The following PIBF1 variants were observed in gnomAD, a reference collection of about 807,000 sequenced individuals.
PIBF1 encodes progesterone-induced-blocking factor 1.
A neutral mutation model predicts 112.5 loss-of-function variants in PIBF1; 90 were observed. The observed-to-expected ratio is 0.80, with a 90% CI of 0.67 to 0.95. The LOEUF (loss-of-function observed/expected upper bound fraction) is 0.95. PIBF1 is among the 40% of genes least tolerant of loss of function. The probability of loss-of-function intolerance (pLI) is 0.00; values close to 1 mark genes in which losing one functional copy is unlikely to be tolerated. For synonymous variants in PIBF1, 301 were observed against 288.6 expected (o/e 1.04, Z -0.44); for missense variants, 915 against 852.3 (o/e 1.07, Z -0.92).
At chr13:72,814,972 A>C (rs1190755265) in intron 5 of PIBF1, among the ~76,000 whole-genome samples, 1 of 152,238 alleles carries the variant, frequency 6.6e-6, no homozygotes, top group African/African-American at 2.4e-5. Flanking sequence ...GAGGTATTAC[A>C]AAAATAAGTA....
At chr13:72,817,817 T>C (rs954755710) in intron 5 of PIBF1, among the ~76,000 whole-genome samples, 19 of 152,290 alleles carry the variant, frequency 1.2e-4, no homozygotes, top group African/African-American at 4.6e-4. Context: ...ATGGGGTTTA[T>C]TTTGAGGGAA....
At chr13:72,889,421 G>A (rs1168411865) in intron 10 of PIBF1, among the ~76,000 whole-genome samples, 3 of 152,146 alleles carry the variant, frequency 2.0e-5, no homozygotes, top group Non-Finnish European at 4.4e-5. Flanking sequence ...AAAAGACTTA[G>A]CAGTCTATCT....
intron 15 of PIBF1, among the ~76,000 whole-genome samples, chr13:72,972,815 G>A (rs12429154): frequency 0.16 from 23,653 of 152,086 alleles, 2,254 homozygotes; most frequent in Middle Eastern, 0.26. Flanking sequence ...GGAGACAAAC[G>A]TTCTTTTTTC....
At chr13:72,847,797 G>A (rs1190965964) in intron 9 of PIBF1, among the ~76,000 whole-genome samples, 1 of 152,096 alleles carries the variant, frequency 6.6e-6, no homozygotes, top group African/African-American at 2.4e-5. Flanking sequence ...TAAAACTACA[G>A]TCATTGAATA....
At chr13:72,899,193 A>G (rs918453882) in intron 11 of PIBF1, among the ~76,000 whole-genome samples, 4 of 152,174 alleles carry the variant, frequency 2.6e-5, no homozygotes, top group African/African-American at 9.6e-5. Context: ...TCCACCAGAC[A>G]TTCAAAGAAG....
At chr13:72,991,278 G>GTCA (rs978169891) in intron 16 of PIBF1, among the ~76,000 whole-genome samples, 11 of 118,470 alleles carry the variant, frequency 9.3e-5, no homozygotes, top group South Asian at 4.5e-4. Context: ...TGTTTATGCA[G>GTCA]TCGTCATCAT....
At position 72,917,169 on chromosome 13, in the gene PIBF1, A is replaced by G. The variant is rs748411722; in HGVS notation, c.1730+3A>G. On this transcript the variant is annotated splice_donor_region_variant and intron_variant, in intron 13 of 17. Coordinates refer to ENST00000326291, the MANE Select transcript of PIBF1 (RefSeq NM_006346.4). ...GCCAAAAGACGACTAAAGCAAAGGT[A>G]AAATCAATATATATTTATTTTATTT... 1.3e-6 allele frequency: 2 copies of G among 1,536,126 alleles called. No homozygotes were observed. Among genetic ancestry groups the G allele is most frequent in the Admixed American group, 3.8e-5 (2 of 52,592 alleles).
Position 72,821,854 on chromosome 13 carries a change from TG to T in PIBF1, c.679del (p.Glu227ArgfsTer19). Reference sequence around the variant, plus strand: ...ATTATTCCTTTGGTTTATAGACATATGAGGAAGATCGAAAAAACTACTCTGA... The same window carrying T: ...ATTATTCCTTTGGTTTATAGACATATAGGAAGATCGAAAAAACTACTCTGA... Reference protein sequence around the residue: ...NQLKQLTETYEEDRKNYSEVQ... With the variant: ...NQLKQLTETYXEDRKNYSEVQ... On this transcript the variant is annotated frameshift_variant, in exon 6 of 18. Transcript: ENST00000326291. LOFTEE classifies it high-confidence loss of function. 3 of 1,610,650 alleles carry T rather than the reference TG, an allele frequency of 1.9e-6. No homozygotes were observed. Among genetic ancestry groups the T allele is most frequent in the Non-Finnish European group, 2.5e-6 (3 of 1,178,052 alleles).
chr13:72,800,492 A>G (rs1277945383), intron 5 of PIBF1, among the ~76,000 whole-genome samples: 2 of 152,232 alleles, frequency 1.3e-5, no homozygotes, highest in African/African-American at 4.8e-5. Context: ...ACTTGATAAC[A>G]ATGTGATGAT....
intron 16 of PIBF1, among the ~76,000 whole-genome samples, chr13:72,981,494 G>A (rs1000973): frequency 0.28 from 41,893 of 151,764 alleles, 6,854 homozygotes; most frequent in East Asian, 0.47. Context: ...TTGAAGAATA[G>A]AAAAAAGAAT....
At chr13:72,853,574 T>A (rs1282967964) in intron 9 of PIBF1, among the ~76,000 whole-genome samples, 1 of 152,220 alleles carries the variant, frequency 6.6e-6, no homozygotes, top group African/African-American at 2.4e-5. Context: ...CTGTGTTTCC[T>A]TCCCATTCCT....
intron 15 of PIBF1, among the ~76,000 whole-genome samples, chr13:72,972,309 G>A (rs1399682300): frequency 6.6e-6 from 1 of 152,000 alleles, no homozygotes; most frequent in Non-Finnish European, 1.5e-5. Context: ...TAGGATTACA[G>A]GCATGAGCCA....
chr13:72,932,546 C>G (rs1004923769), intron 14 of PIBF1, among the ~76,000 whole-genome samples: 3 of 152,054 alleles, frequency 2.0e-5, no homozygotes, highest in Non-Finnish European at 4.4e-5. Context: ...TGAGGGAGAG[C>G]TTGATTTGTA....
Position 72,908,618 on chromosome 13 carries a change from AG to A in PIBF1, c.1578del (p.Arg526SerfsTer2), listed in dbSNP as rs1203915657. ...LQAQNSEHQA[R>X]LDIYEKLEKE... ...AGCACAGAACTCAGAGCATCAAGCA[AG>A]GCTAGACATTTATGAGAAACTGGAA... is the stretch of plus-strand genomic sequence containing the variant. On this transcript the variant is annotated frameshift_variant, in exon 12 of 18. Transcript: ENST00000326291. LOFTEE classifies it high-confidence loss of function. 1 of 1,613,386 alleles carries A rather than the reference AG, an allele frequency of 6.2e-7. No individual in the cohort carries two copies. The highest frequency in any genetic ancestry group is 1.7e-5 in the Admixed American group (1 of 60,014).
At chr13:72,880,170 T>C (rs1207332978) in intron 10 of PIBF1, among the ~76,000 whole-genome samples, 1 of 152,192 alleles carries the variant, frequency 6.6e-6, no homozygotes, top group Non-Finnish European at 1.5e-5. Context: ...TTTAGCAGGG[T>C]AGGAAAATTA....
At chr13:72,807,322 C>T (rs2035788574) in intron 5 of PIBF1, among the ~76,000 whole-genome samples, 1 of 152,162 alleles carries the variant, frequency 6.6e-6, no homozygotes, top group African/African-American at 2.4e-5. Flanking sequence ...CGCCTGTAAT[C>T]TCAGCACTTT....
chr13:72,896,581 A>G (rs2040289437), intron 11 of PIBF1, among the ~76,000 whole-genome samples: 2 of 152,188 alleles, frequency 1.3e-5, no homozygotes, highest in Admixed American at 1.3e-4. Flanking sequence ...AGAAATATTC[A>G]AGGAAATAGC....
chr13:72,871,219 T>A (rs182436626), intron 10 of PIBF1, among the ~76,000 whole-genome samples: 3 of 152,224 alleles, frequency 2.0e-5, no homozygotes, highest in East Asian at 3.9e-4. Flanking sequence ...AAGAAAAAAA[T>A]TTTTAATGCA....
chr13:72,857,605 G>A (rs184382144), intron 10 of PIBF1, among the ~76,000 whole-genome samples: 111 of 152,304 alleles, frequency 7.3e-4, no homozygotes, highest in Middle Eastern at 3.4e-3. Context: ...TTGGGAGGCC[G>A]AGTTGGTTGG....
Sources: allele counts gnomAD v4.1 joint callset (sites outside exome capture counted in the v4.1 genomes callset), GRCh38; gene constraint gnomAD v4.1.1; transcripts MANE v1.5; gene names NCBI Gene and HGNC (gene_info 2026-07-23, HGNC 2026-07-21).